POLA1: variants seen among roughly 807,000 people sequenced by gnomAD.
POLA1 encodes DNA polymerase alpha catalytic subunit.
In POLA1, 15 loss-of-function variants were observed where a neutral mutation model predicts 124.0. That is an observed-to-expected ratio of 0.12 (90% confidence interval 0.08 to 0.19). The LOEUF (loss-of-function observed/expected upper bound fraction) is 0.19. Ranked by LOEUF, POLA1 falls within the 10% of genes least tolerant of loss-of-function variation. POLA1 has a pLI of 1.00. For missense variants in POLA1, 886 were observed against 1,103.4 expected (o/e 0.80, Z 2.79); for synonymous variants, 408 against 389.4 (o/e 1.05, Z -0.56).
intron 32 of POLA1, among the ~76,000 whole-genome samples, 177 bp from the exon 33 acceptor site, chrX:24,841,471 GTTAC>G (rs1475640515): frequency 3.6e-5 from 4 of 112,204 alleles, no homozygotes; most frequent in Non-Finnish European, 7.5e-5. Context: ...TGTTGTTGCA[GTTAC>G]TTGTTTTATT....
At chrX:24,719,832 G>T (rs1340447460) in intron 10 of POLA1, among the ~76,000 whole-genome samples, 2 of 111,207 alleles carry the variant, frequency 1.8e-5, no homozygotes, top group Non-Finnish European at 3.8e-5. Flanking sequence ...TCTGCCGAAA[G>T]TGGACAACTT....
intron 31 of POLA1, among the ~76,000 whole-genome samples, chrX:24,823,215 C>A (rs2046118057): frequency 9.0e-6 from 1 of 111,317 alleles, no homozygotes; most frequent in Admixed American, 9.5e-5. Flanking sequence ...AACTTATTCT[C>A]CTTAACATAT....
At chrX:24,848,891 A>G (rs969957367) in intron 34 of POLA1, among the ~76,000 whole-genome samples, 1 of 112,538 alleles carries the variant, frequency 8.9e-6, no homozygotes, top group African/African-American at 3.2e-5. Context: ...TATCTTGTGC[A>G]GGTGGACCTG....
At chrX:24,863,254 G>A (rs920228080) in intron 34 of POLA1, among the ~76,000 whole-genome samples, 3 of 76,427 alleles carry the variant, frequency 3.9e-5, no homozygotes, top group African/African-American at 1.8e-4. Context: ...GAAGGGAAGA[G>A]TATGCCCCCC....
intron 34 of POLA1, among the ~76,000 whole-genome samples, chrX:24,849,954 GT>G (rs769096811): frequency 9.0e-6 from 1 of 110,882 alleles, no homozygotes; most frequent in African/African-American, 3.3e-5. Flanking sequence ...TTTAAGTTTT[GT>G]ATAGACAGGG....
intron 36 of POLA1, among the ~76,000 whole-genome samples, chrX:24,990,348 A>G (rs1207019941): frequency 8.9e-6 from 1 of 112,294 alleles, no homozygotes; most frequent in Admixed American, 9.4e-5. Context: ...TAAAATAAAA[A>G]TTGTCCTTTA....
intron 36 of POLA1, among the ~76,000 whole-genome samples, chrX:24,941,855 C>G (rs2047911584): frequency 8.9e-6 from 1 of 112,097 alleles, no homozygotes; most frequent in South Asian, 3.8e-4. Flanking sequence ...TCCCCTAGAG[C>G]TTAAGGCTTA....
chrX:24,935,920 C>T (rs1038357803), intron 36 of POLA1, among the ~76,000 whole-genome samples: 3 of 112,853 alleles, frequency 2.7e-5, no homozygotes, highest in Non-Finnish European at 5.6e-5. Flanking sequence ...TAACGCTTGT[C>T]GCTTGAACTC....
chrX:24,871,496 T>A (rs373208506), intron 34 of POLA1, among the ~76,000 whole-genome samples: 7 of 112,267 alleles, frequency 6.2e-5, no homozygotes, highest in African/African-American at 2.3e-4. Context: ...AGTAATGAGA[T>A]TTAGTTAAGA....
At position 24,727,020 on chromosome X, in the gene POLA1, T is replaced by C. The variant is rs765072078; in HGVS notation, c.1480T>C (p.Leu494=). 6.7e-6 allele frequency: 8 copies of C among 1,199,702 alleles called. No homozygotes were observed. The East Asian group carries it at 1.8e-4, about 27-fold the overall frequency. Residue 494 remains leucine (L), a synonymous_variant, in exon 14 of 37, where the codon TTG becomes CTG. Transcript: ENST00000379068. Reference sequence around the variant, plus strand: ...CAACACATCTAGCCTGGAACTGTTCTTGATGAACAGAAAGATCAAAGGACC... The same window carrying C: ...CAACACATCTAGCCTGGAACTGTTCCTGATGAACAGAAAGATCAAAGGACC... ...GTNTSSLELF[L]MNRKIKGPCW... is the part of the protein sequence containing the mutation.
intron 36 of POLA1, among the ~76,000 whole-genome samples, chrX:24,993,044 A>G (rs768805207): frequency 1.8e-5 from 2 of 112,318 alleles, no homozygotes; most frequent in African/African-American, 6.5e-5. Context: ...TATTTTTGGT[A>G]ATTAACATAT....
intron 35 of POLA1, among the ~76,000 whole-genome samples, chrX:24,912,253 A>G (rs1013207407): frequency 8.9e-6 from 1 of 112,501 alleles, no homozygotes; most frequent in Admixed American, 9.4e-5. Context: ...ATGTAAAACT[A>G]TAAAACTTTA....
chrX:24,749,141 G>C (rs905471804), intron 26 of POLA1, 149 bp downstream of exon 26: 11 of 449,428 alleles, frequency 2.4e-5, no homozygotes, highest in Non-Finnish European at 4.2e-5. Context: ...AGACAAATAG[G>C]CATTTAAATA....
At chrX:24,975,112 A>G (rs2048350694) in intron 36 of POLA1, among the ~76,000 whole-genome samples, 2 of 112,112 alleles carry the variant, frequency 1.8e-5, no homozygotes. Context: ...CCCAGGTTCA[A>G]GCAATTCTTC....
In POLA1 at chrX:24,938,272, C is replaced by T. The variant is rs753830943; in HGVS notation, c.4261+7723C>T. Reference sequence around the variant, plus strand: ...CTCTATTAAAAGTAAAAAAATTAGCCAGGCATGGTGGCACGTGCCTGTAAT... The same window carrying T: ...CTCTATTAAAAGTAAAAAAATTAGCTAGGCATGGTGGCACGTGCCTGTAAT... On this transcript the variant is annotated intron_variant, in intron 36 of 36. Transcript: ENST00000379068. 3.6e-5 allele frequency among the ~76,000 whole-genome samples: 4 copies of T among 111,542 alleles called. No homozygotes were observed. In the East Asian group the frequency reaches 8.5e-4, roughly 24 times the overall value.
At chrX:24,711,429 C>T (rs924008496) in intron 4 of POLA1, among the ~76,000 whole-genome samples, 1 of 112,230 alleles carries the variant, frequency 8.9e-6, no homozygotes, top group African/African-American at 3.2e-5. Context: ...GCATAGTATT[C>T]CATGATAGGG....
At chrX:24,982,550 G>A (rs1288335440) in intron 36 of POLA1, among the ~76,000 whole-genome samples, 3 of 110,543 alleles carry the variant, frequency 2.7e-5, no homozygotes, top group Middle Eastern at 4.2e-3. Context: ...AGAGTGAGTC[G>A]TTCAGGGTGC....
intron 24 of POLA1, among the ~76,000 whole-genome samples, chrX:24,746,053 A>T (rs1602323357): frequency 1.8e-5 from 2 of 110,225 alleles, no homozygotes; most frequent in East Asian, 5.7e-4. Context: ...CTTTTTTGTA[A>T]TTTTTTTTAA....
At chrX:24,994,444 G>A (rs994431032) in intron 36 of POLA1, among the ~76,000 whole-genome samples, 4 of 112,538 alleles carry the variant, frequency 3.6e-5, no homozygotes, top group Non-Finnish European at 7.5e-5. Flanking sequence ...TCTCCCCTCC[G>A]TGTTTCCTTC....
Sources: gnomAD v4.1 joint callset for allele counts (sites outside exome capture counted in the v4.1 genomes callset) on GRCh38, gnomAD v4.1.1 for gene constraint, MANE v1.5 for transcripts, NCBI Gene and HGNC (gene_info 2026-07-23, HGNC 2026-07-21) for gene names.